The following CELA2B variants were observed in gnomAD, a reference collection of about 807,000 sequenced individuals.
CELA2B encodes chymotrypsin like elastase 2B.
A neutral mutation model predicts 36.5 loss-of-function variants in CELA2B; 27 were observed. The ratio of observed to expected loss-of-function variants is 0.74; its 90% CI spans 0.55 to 1.02. CELA2B has a LOEUF of 1.02. CELA2B is among the 50% of genes least tolerant of loss of function. The pLI is 0.00. For synonymous variants in CELA2B, 143 were observed against 148.5 expected (o/e 0.96, Z 0.27); for missense variants, 340 against 347.8 (o/e 0.98, Z 0.18).
Position 15,485,753 on chromosome 1 carries a change from A to C in CELA2B, c.494-148A>C. On this transcript the variant is annotated intron_variant, in intron 5 of 7. Coordinates refer to ENST00000375910, the MANE Select transcript of CELA2B (RefSeq NM_015849.3). ...CAGTGGCCAGCACACTAACCAATCAAATGTGAGGACACAGTATAGACAAAC... is the reference window on the plus strand; with the variant it reads ...CAGTGGCCAGCACACTAACCAATCACATGTGAGGACACAGTATAGACAAAC... 4 of 1,020,224 alleles carry C rather than the reference A, an allele frequency of 3.9e-6. No homozygotes were observed. The South Asian group carries it at 6.0e-5, about 15-fold the overall frequency. 63.2% of individuals were successfully genotyped at this position (1,020,224 alleles called of 1,614,324 possible).
At chr1:15,485,864 C>G (rs1352604562) in intron 5 of CELA2B, 37 bp from the exon 6 acceptor site, 13 of 1,610,796 alleles carry the variant, frequency 8.1e-6, no homozygotes, top group Admixed American at 1.7e-5. Flanking sequence ...CTCAGGAGTC[C>G]CTGCGTCCCT....
chr1:15,484,743 G>C (rs1708783706), intron 5 of CELA2B, among the ~76,000 whole-genome samples: 1 of 152,086 alleles, frequency 6.6e-6, no homozygotes, highest in South Asian at 2.1e-4. Context: ...TGAAACCTTG[G>C]GCAAGCCACT....
At chr1:15,490,461 T>G (rs1708868517) in intron 7 of CELA2B, among the ~76,000 whole-genome samples, 2 of 152,230 alleles carry the variant, frequency 1.3e-5, no homozygotes, top group Admixed American at 1.3e-4. Context: ...TTTTTCACTC[T>G]TACATTGTGC....
At chr1:15,482,941 A>AT (rs1553138097) in intron 4 of CELA2B, among the ~76,000 whole-genome samples, 1 of 151,668 alleles carries the variant, frequency 6.6e-6, no homozygotes. Context: ...GCCCACCACC[A>AT]CAGGCCCGGC....
At position 15,481,038 on chromosome 1, in the gene CELA2B, C is replaced by T. The variant is rs561273044; in HGVS notation, c.130-60C>T. 16 of 1,592,872 alleles carry T rather than the reference C, an allele frequency of 1.0e-5. No homozygotes were observed. The South Asian group carries it at 1.8e-4, about 18-fold the overall frequency. ...TTGTCCCAGCCCCGTTCTTGGGAAA[C>T]TGGAGTGCAGGGAGGCCCTGCTTTT... On this transcript the variant is annotated intron_variant, in intron 2 of 7. Coordinates refer to ENST00000375910, the MANE Select transcript of CELA2B (RefSeq NM_015849.3).
intron 4 of CELA2B, 75 bp downstream of exon 4, chr1:15,482,468 T>C: frequency 6.3e-7 from 1 of 1,591,956 alleles, no homozygotes; most frequent in African/African-American, 1.3e-5. Flanking sequence ...GGCAAAGGTC[T>C]CAACCCCACC....
chr1:15,487,559 T>C, intron 7 of CELA2B, 122 bp downstream of exon 7: 1 of 1,351,296 alleles, frequency 7.4e-7, no homozygotes, highest in Non-Finnish European at 1.0e-6. Context: ...TGGGAACCCC[T>C]TGGAGGAGGC....
At chr1:15,490,976 A>C in intron 7 of CELA2B, 1 of 370,728 alleles carries the variant, frequency 2.7e-6, no homozygotes, top group Non-Finnish European at 5.0e-6. Flanking sequence ...GATGAGAAAC[A>C]AATGAAATCT....
Position 15,486,019 on chromosome 1 carries a change from G to T in CELA2B, c.612G>T (p.Gly204=). 1 of 1,614,090 alleles carries T rather than the reference G, an allele frequency of 6.2e-7. No individual in the cohort carries two copies. The highest frequency in any genetic ancestry group is 8.5e-7 in the Non-Finnish European group (1 of 1,179,968). ...TGAAGACGAATATGATCTGTGCTGG[G>T]GGTGATGGCGTGATATGCACCTGCA... ...STVKTNMICA[G]GDGVICTCNG... The change falls in exon 6 of 8, where the codon GGG becomes GGT. Residue 204 remains glycine, a synonymous_variant. Coordinates refer to ENST00000375910, the MANE Select transcript of CELA2B (RefSeq NM_015849.3).
At chr1:15,489,644 C>T (rs1708849526) in intron 7 of CELA2B, among the ~76,000 whole-genome samples, 3 of 152,178 alleles carry the variant, frequency 2.0e-5, no homozygotes, top group Admixed American at 2.0e-4. Flanking sequence ...AAGATAAGAG[C>T]AGAGAAGCAG....
intron 7 of CELA2B, among the ~76,000 whole-genome samples, chr1:15,488,540 TG>T (rs1708833680): frequency 6.6e-6 from 1 of 152,082 alleles, no homozygotes; most frequent in African/African-American, 2.4e-5. Flanking sequence ...TAATAGAAGC[TG>T]GGGGAGAAGA....
intron 2 of CELA2B, 143 bp downstream of exon 2, chr1:15,476,688 A>G (rs763106515): frequency 1.0e-5 from 8 of 796,344 alleles, no homozygotes; most frequent in Non-Finnish European, 1.7e-5. Flanking sequence ...CTTCACCAAC[A>G]AGATACATTT....
intron 5 of CELA2B, 57 bp downstream of exon 5, chr1:15,483,457 T>C (rs1250686062): frequency 6.2e-7 from 1 of 1,611,512 alleles, no homozygotes; most frequent in Non-Finnish European, 8.5e-7. Flanking sequence ...ATGTCACCCC[T>C]GTCCGGCCAG....
At position 15,478,079 on chromosome 1, in the gene CELA2B, A is replaced by G. The variant is rs1708693864; in HGVS notation, c.129+1534A>G. On this transcript the variant is annotated intron_variant, in intron 2 of 7. Coordinates refer to ENST00000375910, the MANE Select transcript of CELA2B (RefSeq NM_015849.3). ...TTTGGGAGGCCAAGGTGGGTGAATC[A>G]CTTGAGGTCAGCAGTTCAAGACCAG... is the stretch of plus-strand genomic sequence containing the variant. Among the ~76,000 whole-genome samples, 3 of 152,176 alleles carry G rather than the reference A, an allele frequency of 2.0e-5. No homozygotes were observed. The South Asian group carries it at 6.2e-4, about 32-fold the overall frequency.
chr1:15,488,663 G>A (rs1466254383), intron 7 of CELA2B, among the ~76,000 whole-genome samples: 4 of 152,206 alleles, frequency 2.6e-5, no homozygotes, highest in Non-Finnish European at 4.4e-5. Flanking sequence ...TATGGTATTC[G>A]TGGCAGAGCC....
At chr1:15,477,516 G>T (rs1434199254) in intron 2 of CELA2B, among the ~76,000 whole-genome samples, 1 of 152,174 alleles carries the variant, frequency 6.6e-6, no homozygotes, top group Non-Finnish European at 1.5e-5. Flanking sequence ...TTTAGACTAT[G>T]TAAACAATTT....
At chr1:15,483,026 A>T (rs1447802095) in intron 4 of CELA2B, among the ~76,000 whole-genome samples, 1 of 152,040 alleles carries the variant, frequency 6.6e-6, no homozygotes, top group African/African-American at 2.4e-5. Context: ...TGACCTCATG[A>T]TCCACTCGCC....
At chr1:15,489,314 TGGCAGCAGGGATCCACGG>T (rs1217693567) in intron 7 of CELA2B, among the ~76,000 whole-genome samples, 49 of 152,210 alleles carry the variant, frequency 3.2e-4, no homozygotes, top group Admixed American at 5.9e-4. Context: ...CATGGCCAGA[TGGCAGCAGGGATCCACGG>T]GGCAGCACGC....
chr1:15,486,706 T>A (rs975229188), intron 6 of CELA2B, among the ~76,000 whole-genome samples: 2 of 152,218 alleles, frequency 1.3e-5, no homozygotes, highest in African/African-American at 4.8e-5. Flanking sequence ...ATTACTCTCA[T>A]CAATGGCGCA....
Sources: gnomAD v4.1 joint callset for allele counts (sites outside exome capture counted in the v4.1 genomes callset) on GRCh38, gnomAD v4.1.1 for gene constraint, MANE v1.5 for transcripts, NCBI Gene and HGNC (gene_info 2026-07-23, HGNC 2026-07-21) for gene names.